Variants in GPRIN3 observed in about 807,000 individuals in gnomAD.
The protein encoded by GPRIN3 is G protein-regulated inducer of neurite outgrowth 3.
In GPRIN3, 12 loss-of-function variants were observed where a neutral mutation model predicts 13.7. That is an observed-to-expected ratio of 0.87 (90% CI 0.56 to 1.42). GPRIN3 has a LOEUF of 1.42. Ranked by LOEUF, GPRIN3 falls within the 40% of genes most tolerant of loss-of-function variation. The pLI is 0.00. For missense variants in GPRIN3, 1,009 were observed against 958.7 expected, an observed-to-expected ratio of 1.05 and a Z score of -0.69; for synonymous variants, 377 against 372.7, an observed-to-expected ratio of 1.01 and a Z score of -0.13.
At chr4:89,292,855 C>T (rs1376744455) in intron 1 of GPRIN3, among the ~76,000 whole-genome samples, 1 of 152,184 alleles carries the variant, frequency 6.6e-6, no homozygotes, top group Non-Finnish European at 1.5e-5. Context: ...GTAGCACCTA[C>T]AGAAATCTAA....
chr4:89,271,485 T>C lies in GPRIN3; in HGVS notation c.-123-21252A>G, dbSNP rs567617139. Among the ~76,000 whole-genome samples the C allele has an allele frequency of 1.6e-4, 24 of 152,334 alleles. 1 individual carries two copies. In the South Asian group the frequency reaches 5.0e-3, roughly 32 times the overall value. On this transcript the variant is annotated intron_variant, in intron 1 of 1. Transcript: ENST00000609438. ...CATATAACCTACACACATCCTTCCATGTATTTTACATTTTTTCTAGATTAC... is the reference window on the plus strand; with the variant it reads ...CATATAACCTACACACATCCTTCCACGTATTTTACATTTTTTCTAGATTAC...
intron 1 of GPRIN3, among the ~76,000 whole-genome samples, chr4:89,271,097 A>C (rs746420807): frequency 1.3e-5 from 2 of 152,162 alleles, no homozygotes; most frequent in African/African-American, 2.4e-5. Flanking sequence ...GTGGGAACAT[A>C]TTTTGTTGAA....
chr4:89,298,295 T>TTA (rs1464809491), intron 1 of GPRIN3, among the ~76,000 whole-genome samples: 16 of 152,032 alleles, frequency 1.1e-4, no homozygotes, highest in African/African-American at 3.9e-4. Context: ...TTCTACAACA[T>TTA]TAAGGAAGTG....
chr4:89,306,197 A>T (rs756834379), intron 1 of GPRIN3, among the ~76,000 whole-genome samples: 37 of 152,134 alleles, frequency 2.4e-4, no homozygotes, highest in Non-Finnish European at 5.3e-4. Context: ...AGCAGCAGAG[A>T]TTTTCTGCTT....
intron 1 of GPRIN3, among the ~76,000 whole-genome samples, chr4:89,280,025 C>T (rs1446093047): frequency 6.6e-6 from 1 of 152,124 alleles, no homozygotes; most frequent in Non-Finnish European, 1.5e-5. Flanking sequence ...TAAGCTTGTT[C>T]TTCCTTCTTA....
chr4:89,261,089 G>A (rs2149264263), intron 1 of GPRIN3, among the ~76,000 whole-genome samples: 1 of 152,202 alleles, frequency 6.6e-6, no homozygotes, highest in East Asian at 1.9e-4. Context: ...AATTAGAGTG[G>A]AGAATCCTAA....
intron 1 of GPRIN3, among the ~76,000 whole-genome samples, chr4:89,285,372 A>G (rs1017467611): frequency 1.3e-5 from 2 of 152,116 alleles, no homozygotes; most frequent in Middle Eastern, 3.4e-3. Context: ...AAAAATCCCT[A>G]AACATATGAG....
At chr4:89,289,104 C>G (rs1724501972) in intron 1 of GPRIN3, among the ~76,000 whole-genome samples, 1 of 150,262 alleles carries the variant, frequency 6.7e-6, no homozygotes, top group Non-Finnish European at 1.5e-5. Flanking sequence ...TGAAAATTCT[C>G]TCCTTCAGGC....
intron 1 of GPRIN3, among the ~76,000 whole-genome samples, chr4:89,307,305 T>C (rs1438039614): frequency 6.8e-6 from 1 of 147,400 alleles, no homozygotes; most frequent in East Asian, 2.0e-4. Flanking sequence ...ACACCCCTCA[T>C]ATTCGGATAT....
chr4:89,249,277 G>C lies in GPRIN3; in HGVS notation c.834C>G (p.Pro278=), dbSNP rs747636181. 1 of 1,614,084 alleles carries C rather than the reference G, an allele frequency of 6.2e-7. No homozygotes were observed. The highest frequency in any genetic ancestry group is 8.5e-7 in the Non-Finnish European group (1 of 1,180,018). Residue 278 remains proline, a synonymous_variant, in exon 2 of 2, where the codon CCC becomes CCG. Coordinates refer to ENST00000609438, the MANE Select transcript of GPRIN3 (RefSeq NM_198281.3). ...GCAGCGGCACCTTCTCTGGACCTGG[G>C]GGACATGCCGAAGGTTCGCTAGTGA... The part of the protein sequence containing the change: ...TPLTSEPSAC[P]PGPEKVPLPA...
At chr4:89,297,554 C>A (rs568536391) in intron 1 of GPRIN3, among the ~76,000 whole-genome samples, 2 of 152,260 alleles carry the variant, frequency 1.3e-5, no homozygotes, top group African/African-American at 4.8e-5. Flanking sequence ...CCAGTCTCTG[C>A]GCTCCAAGGC....
At chr4:89,261,756 T>G (rs1723633300) in intron 1 of GPRIN3, among the ~76,000 whole-genome samples, 3 of 152,158 alleles carry the variant, frequency 2.0e-5, no homozygotes, top group Admixed American at 6.5e-5. Context: ...GTTATAAAAA[T>G]TATGCTATTT....
chr4:89,254,965 A>G (rs1723427870), intron 1 of GPRIN3, among the ~76,000 whole-genome samples: 1 of 152,184 alleles, frequency 6.6e-6, no homozygotes, highest in Non-Finnish European at 1.5e-5. Flanking sequence ...GGTGGCGCTG[A>G]GAAGAACTGT....
intron 1 of GPRIN3, among the ~76,000 whole-genome samples, chr4:89,288,302 T>A (rs553404457): frequency 3.9e-5 from 6 of 152,250 alleles, no homozygotes; most frequent in African/African-American, 1.2e-4. Flanking sequence ...AAGAATAAAA[T>A]ATAATCAGTA....
At chr4:89,303,229 A>G (rs1724945802) in intron 1 of GPRIN3, among the ~76,000 whole-genome samples, 1 of 152,246 alleles carries the variant, frequency 6.6e-6, no homozygotes, top group Non-Finnish European at 1.5e-5. Context: ...AATATGGCAG[A>G]TGCTGCCGTT....
In GPRIN3 at chr4:89,240,190, A is replaced by G. The variant is rs575172485; in HGVS notation, c.*7590T>C. ...TGACACTTGCCAGCTAATGATTCTAATGTTGTTAGAATCCACACAGTATTA... is the reference window on the plus strand; with the variant it reads ...TGACACTTGCCAGCTAATGATTCTAGTGTTGTTAGAATCCACACAGTATTA... On this transcript the variant is annotated 3_prime_UTR_variant, in exon 2 of 2. Coordinates refer to ENST00000609438, the MANE Select transcript of GPRIN3 (RefSeq NM_198281.3). 37 of 152,298 alleles carry G rather than the reference A, an allele frequency of 2.4e-4. No homozygotes were observed. Among genetic ancestry groups the G allele is most frequent in the African/African-American group, 8.7e-4 (36 of 41,570 alleles). The allele number at this position is 152,298 out of a possible 1,614,324, so 9.4% of individuals were successfully genotyped here. A position where few individuals can be genotyped will look rare whatever the true frequency, so the allele number is the denominator to read the frequency against.
At chr4:89,256,857 C>A (rs1723478451) in intron 1 of GPRIN3, among the ~76,000 whole-genome samples, 1 of 152,204 alleles carries the variant, frequency 6.6e-6, no homozygotes, top group African/African-American at 2.4e-5. Flanking sequence ...AAAACATCAT[C>A]TGGCATCCTA....
Position 89,249,107 on chromosome 4 carries a change from G to A in GPRIN3, c.1004C>T (p.Thr335Ile). Residue 335 changes from threonine (T) to isoleucine (I), a missense_variant, in exon 2 of 2, where the codon ACC (threonine) becomes ATC (isoleucine). Physicochemically the swap from Thr to Ile is moderately conservative, Grantham distance 89. Transcript: ENST00000609438. ...VASVESRSVS[T>I]SPSILTAFLK... ...AAATGCAGTGAGGATACTGGGGCTG[G>A]TGGAGACGGATCTGCTCTCGACACT... The A allele has an allele frequency of 6.2e-7, 1 of 1,614,200 alleles. No individual in the cohort carries two copies. Among genetic ancestry groups the A allele is most frequent in the Non-Finnish European group, 8.5e-7 (1 of 1,180,034 alleles).
Position 89,247,979 on chromosome 4 carries a change from T to A in GPRIN3, c.2132A>T (p.Asn711Ile), listed in dbSNP as rs1426963051. The A allele has an allele frequency of 6.2e-7, 1 of 1,614,164 alleles. No individual in the cohort carries two copies. Among genetic ancestry groups the A allele is most frequent in the Non-Finnish European group, 8.5e-7 (1 of 1,180,018 alleles). ...DAESLGIAIQNHLQRQIREHE... is the reference protein window; with the variant it reads ...DAESLGIAIQIHLQRQIREHE... Reference sequence around the variant, plus strand: ...TTCCCTGATTTGTCTTTGCAAATGGTTCTGGATCGCGATTCCCAGGGACTC... The same window carrying A: ...TTCCCTGATTTGTCTTTGCAAATGGATCTGGATCGCGATTCCCAGGGACTC... Residue 711 changes from asparagine to isoleucine, a missense_variant, in exon 2 of 2, where the codon AAC becomes ATC. By Grantham distance (149) the Asn-to-Ile change is moderately radical. Transcript: ENST00000609438.
Sources: allele counts gnomAD v4.1 joint callset (sites outside exome capture counted in the v4.1 genomes callset), GRCh38; gene constraint gnomAD v4.1.1; transcripts MANE v1.5; gene names NCBI Gene and HGNC (gene_info 2026-07-23, HGNC 2026-07-21).